Variants in ETS2 observed in about 807,000 individuals in gnomAD.
ETS2 encodes ETS proto-oncogene 2, transcription factor, also known as protein C-ets-2.
A neutral mutation model predicts 54.9 loss-of-function variants in ETS2; 19 were observed. The observed-to-expected ratio is 0.35, with a 90% CI of 0.24 to 0.51. ETS2 has a LOEUF of 0.51. Ranked by LOEUF, ETS2 falls within the 20% of genes least tolerant of loss-of-function variation. ETS2 has a pLI of 0.97. For missense variants in ETS2, 417 were observed against 593.0 expected (o/e 0.70, Z 3.08); for synonymous variants, 219 against 229.3 (o/e 0.95, Z 0.41).
In ETS2 at chr21:38,821,583, C is replaced by T. The variant is rs1207890155; in HGVS notation, c.1076-3C>T. On this transcript the variant is annotated splice_region_variant and splice_polypyrimidine_tract_variant and intron_variant, in intron 8 of 9. Coordinates refer to ENST00000360938, the MANE Select transcript of ETS2 (RefSeq NM_005239.6). This position sits in a 1 kb window ranked among gnomAD's most constrained non-coding sequence, Gnocchi z 4.2. The stretch of plus-strand genomic sequence containing the variant: ...TGATCCGTCTCCCTCCCTCTCCCCG[C>T]AGGAAGTGGACCTATTCAGCTGTGG... The T allele has an allele frequency of 6.2e-7, 1 of 1,602,942 alleles. No homozygotes were observed. Among genetic ancestry groups the T allele is most frequent in the Non-Finnish European group, 8.5e-7 (1 of 1,169,760 alleles).
At chr21:38,819,832 A>C in intron 8 of ETS2, 66 bp downstream of exon 8, 1 of 1,496,108 alleles carries the variant, frequency 6.7e-7, no homozygotes, top group Non-Finnish European at 9.0e-7. Flanking sequence ...CTTCCTTTCG[A>C]GCCACAGTAC....
At position 38,806,456 on chromosome 21, in the gene ETS2, G is replaced by T; in HGVS notation, c.-1+336G>T. 1.0e-6 allele frequency: 1 copy of T among 985,574 alleles called. No homozygotes were observed. The highest frequency in any genetic ancestry group is 1.2e-6 in the Non-Finnish European group (1 of 830,086). The allele number at this position is 985,574 out of a possible 1,614,324, so 61.1% of individuals were successfully genotyped here. On this transcript the variant is annotated intron_variant, in intron 1 of 9. Transcript: ENST00000360938. The surrounding 1 kb of genome is among the most constrained non-coding windows in gnomAD (Gnocchi z 4.3). ...CTCGCTTTTGTTTTTAAAAGGAAAC[G>T]CAGGCCTGGTAGGGGGTCCTGCCCA...
chr21:38,818,763 G>A, intron 7 of ETS2, 117 bp downstream of exon 7: 3 of 1,198,422 alleles, frequency 2.5e-6, no homozygotes, highest in Non-Finnish European at 3.6e-6. Flanking sequence ...GGGGGTCAAA[G>A]CCCATGTTCT....
chr21:38,806,667 T>C lies in ETS2; in HGVS notation c.-1+547T>C. ...GGAACCTGCGGGGCGCGGGGTGCCA[T>C]GGTCACCTGCTCGCCGCGTCCAGGG... On this transcript the variant is annotated intron_variant, in intron 1 of 9. Coordinates refer to ENST00000360938, the MANE Select transcript of ETS2 (RefSeq NM_005239.6). The surrounding 1 kb of genome is among the most constrained non-coding windows in gnomAD (Gnocchi z 4.3). 1.0e-6 allele frequency: 1 copy of C among 985,350 alleles called. No individual in the cohort carries two copies. Among genetic ancestry groups the C allele is most frequent in the Non-Finnish European group, 1.2e-6 (1 of 829,924 alleles). The allele number at this position is 985,350 out of a possible 1,614,324, so 61.0% of individuals were successfully genotyped here.
At position 38,822,845 on chromosome 21, in the gene ETS2, G is replaced by A. The variant is rs147744979; in HGVS notation, c.1366G>A (p.Glu456Lys). The change falls in exon 10 of 10, where the codon GAA becomes AAA. Residue 456 changes from glutamate to lysine, a missense_variant. Transcript: ENST00000360938. ...GAACTTGCTGGGGTTCACGCCCGAG[G>A]AACTGCACGCCATCCTGGGCGTCCA... ...LQNLLGFTPEELHAILGVQPD... is the reference protein window; with the variant it reads ...LQNLLGFTPEKLHAILGVQPD... 1 of 1,606,254 alleles carries A rather than the reference G, an allele frequency of 6.2e-7. No homozygotes were observed. Among genetic ancestry groups the A allele is most frequent in the Non-Finnish European group, 8.5e-7 (1 of 1,174,396 alleles).
chr21:38,809,456 G>A (rs2060905689), intron 1 of ETS2, among the ~76,000 whole-genome samples: 1 of 152,196 alleles, frequency 6.6e-6, no homozygotes, highest in African/African-American at 2.4e-5. Context: ...CCATGTAAGG[G>A]GGTTTGGTCT....
At chr21:38,822,566 T>C (rs2060962460) in intron 9 of ETS2, 108 bp from the exon 10 acceptor site, 1 of 990,512 alleles carries the variant, frequency 1.0e-6, no homozygotes, top group Admixed American at 2.4e-5. Flanking sequence ...GGTGTCAAGT[T>C]CTCTCTAGAG....
At position 38,821,697 on chromosome 21, in the gene ETS2, C is replaced by G; in HGVS notation, c.1187C>G (p.Pro396Arg). The change falls in exon 9 of 10, where the codon CCC (proline) becomes CGC (arginine). Residue 396 changes from proline (P) to arginine (R), a missense_variant. This residue lies in a region of ETS2 where 60 missense variants were observed against 134.1 expected (regional missense o/e 0.45). Coordinates refer to ENST00000360938, the MANE Select transcript of ETS2 (RefSeq NM_005239.6). The surrounding 1 kb of genome is among the most constrained non-coding windows in gnomAD (Gnocchi z 4.2). ...GDGWEFKLAD[P>R]DEVARRWGKR... is the part of the protein sequence containing the mutation. ...GGATGGGAGTTTAAGCTCGCCGACCCCGATGAGGTATGGCCAGAGCCCTGG... is the reference window on the plus strand; with the variant it reads ...GGATGGGAGTTTAAGCTCGCCGACCGCGATGAGGTATGGCCAGAGCCCTGG... 1 of 1,608,794 alleles carries G rather than the reference C, an allele frequency of 6.2e-7. No individual in the cohort carries two copies. The highest frequency in any genetic ancestry group is 8.5e-7 in the Non-Finnish European group (1 of 1,175,194).
At chr21:38,820,311 C>G (rs925594766) in intron 8 of ETS2, among the ~76,000 whole-genome samples, 1 of 152,090 alleles carries the variant, frequency 6.6e-6, no homozygotes, top group Non-Finnish European at 1.5e-5. Context: ...CTTCGTGTAT[C>G]CTTAAATGCG....
chr21:38,814,168 G>C lies in ETS2; in HGVS notation c.185-105G>C, dbSNP rs1388522789. The C allele has an allele frequency of 6.0e-6, 7 of 1,168,436 alleles. No homozygotes were observed. The African/African-American group carries it at 1.1e-4, about 18-fold the overall frequency. 72.4% of individuals were successfully genotyped at this position (1,168,436 alleles called of 1,614,324 possible). A position where few individuals can be genotyped will look rare whatever the true frequency, so the allele number is the denominator to read the frequency against. On this transcript the variant is annotated intron_variant, in intron 3 of 9. Coordinates refer to ENST00000360938, the MANE Select transcript of ETS2 (RefSeq NM_005239.6). The surrounding 1 kb of genome is among the most constrained non-coding windows in gnomAD (Gnocchi z 4.2). ...GTTTTAAGGAATCATGCCAAGGTTTGAGATCAAAATTGTTCTTTTCCAAAA... is the reference window on the plus strand; with the variant it reads ...GTTTTAAGGAATCATGCCAAGGTTTCAGATCAAAATTGTTCTTTTCCAAAA...
At chr21:38,819,467 G>A (rs2060948423) in intron 7 of ETS2, 36 bp from the exon 8 acceptor site, 1 of 1,608,526 alleles carries the variant, frequency 6.2e-7, no homozygotes. Flanking sequence ...CTGTGTCCTG[G>A]AGGAATCAAA....
chr21:38,811,185 TAAA>T (rs11288156), intron 2 of ETS2, among the ~76,000 whole-genome samples: 19 of 147,528 alleles, frequency 1.3e-4, no homozygotes, highest in Admixed American at 2.0e-4. Context: ...TTCCTGGCTT[TAAA>T]AAAAAAAAAA....
Position 38,806,157 on chromosome 21 carries a change from G to T in ETS2, c.-1+37G>T, listed in dbSNP as rs1374370906. 9.9e-7 allele frequency: 1 copy of T among 1,011,114 alleles called. No homozygotes were observed. Among genetic ancestry groups the T allele is most frequent in the Non-Finnish European group, 1.2e-6 (1 of 847,170 alleles). The allele number at this position is 1,011,114 out of a possible 1,614,324, so 62.6% of individuals were successfully genotyped here. On this transcript the variant is annotated intron_variant, in intron 1 of 9. Coordinates refer to ENST00000360938, the MANE Select transcript of ETS2 (RefSeq NM_005239.6). This position sits in a 1 kb window ranked among gnomAD's most constrained non-coding sequence, Gnocchi z 4.3. ...GCCCGCAGAGAGCGCCCGGCGCGCG[G>T]CTCCAGTCCCATGGAGGGTCACCCG...
intron 8 of ETS2, among the ~76,000 whole-genome samples, chr21:38,820,190 T>A (rs1002012824): frequency 7.2e-5 from 11 of 152,236 alleles, no homozygotes; most frequent in Admixed American, 2.6e-4. Context: ...TCTGCTCTTA[T>A]TTTTGAGGTT....
chr21:38,817,022 A>G lies in ETS2; in HGVS notation c.520A>G (p.Thr174Ala). ...EQMIKENQEK[T>A]EDQYEENSHL... ...CTGCTTTTCAGAAAACCAAGAAAAG[A>G]CAGAAGATCAATATGAAGAAAATTC... is the stretch of plus-strand genomic sequence containing the variant. The change falls in exon 6 of 10, where the codon ACA (threonine) becomes GCA (alanine). Residue 174 changes from threonine to alanine, a missense_variant. By Grantham distance (58) the Thr-to-Ala change is moderately conservative. Around this residue, in one of 3 missense-constraint regions of ETS2, gnomAD observed 326 missense variants for 426.1 expected, o/e 0.76. Transcript: ENST00000360938. 6.2e-7 allele frequency: 1 copy of G among 1,610,598 alleles called. No individual in the cohort carries two copies. Among genetic ancestry groups the G allele is most frequent in the Non-Finnish European group, 8.5e-7 (1 of 1,176,820 alleles).
intron 8 of ETS2, among the ~76,000 whole-genome samples, chr21:38,820,238 G>A (rs1488612397): frequency 6.6e-6 from 1 of 152,190 alleles, no homozygotes; most frequent in Non-Finnish European, 1.5e-5. Context: ...CAAATATAAA[G>A]CTGTTTTTAG....
chr21:38,822,580 A>G (rs1363121053), intron 9 of ETS2, 94 bp from the exon 10 acceptor site: 15 of 1,138,906 alleles, frequency 1.3e-5, no homozygotes, highest in African/African-American at 4.6e-5. Flanking sequence ...TCTAGAGTGA[A>G]CATGCCTCAG....
At chr21:38,816,295 G>A (rs983480377) in intron 5 of ETS2, among the ~76,000 whole-genome samples, 7 of 151,802 alleles carry the variant, frequency 4.6e-5, no homozygotes, top group South Asian at 2.1e-4. Flanking sequence ...TAGTTACGGC[G>A]TCTGAGGGCC....
intron 5 of ETS2, 53 bp from the exon 6 acceptor site, chr21:38,816,948 TTGTTCTG>T (rs2060937771): frequency 4.5e-6 from 4 of 888,786 alleles, no homozygotes; most frequent in Middle Eastern, 2.2e-4. Flanking sequence ...GAAAGTCAAT[TTGTTCTG>T]TGTAGTTTTC....
Sources: gnomAD v4.1 joint callset for allele counts (sites outside exome capture counted in the v4.1 genomes callset) on GRCh38, gnomAD v4.1.1 for gene constraint, gnomAD v4.1.1 regional missense constraint, Gnocchi (gnomAD v3.1) non-coding constraint, MANE v1.5 for transcripts, NCBI Gene and HGNC (gene_info 2026-07-23, HGNC 2026-07-21) for gene names.